KCNIP1: variants seen among roughly 807,000 people sequenced by gnomAD.
The protein encoded by KCNIP1 is potassium voltage-gated channel interacting protein 1, also known as A-type potassium channel modulatory protein KCNIP1.
KCNIP1 carries 18 observed loss-of-function variants against 33.0 expected under a neutral mutation model. The ratio of observed to expected loss-of-function variants is 0.55; its 90% confidence interval spans 0.38 to 0.81. KCNIP1 has a LOEUF of 0.81. Among genes scored for constraint, KCNIP1 ranks in the 30% least tolerant of loss-of-function variants. KCNIP1 has a pLI of 0.00. For missense variants in KCNIP1, 238 were observed against 271.6 expected (o/e 0.88, Z 0.87); for synonymous variants, 93 against 98.3 (o/e 0.95, Z 0.32).
At chr5:170,429,598 T>C (rs1284836914) in intron 1 of KCNIP1, among the ~76,000 whole-genome samples, 1 of 152,126 alleles carries the variant, frequency 6.6e-6, no homozygotes, top group Non-Finnish European at 1.5e-5. Context: ...AACTAATTTC[T>C]CATCATCCAC....
At chr5:170,485,511 C>T (rs1350500710) in intron 1 of KCNIP1, among the ~76,000 whole-genome samples, 2 of 152,210 alleles carry the variant, frequency 1.3e-5, no homozygotes, top group Non-Finnish European at 2.9e-5. Flanking sequence ...ACACATGGCC[C>T]ACCTTCAGGG....
intron 1 of KCNIP1, among the ~76,000 whole-genome samples, chr5:170,564,151 T>C (rs539597330): frequency 6.6e-6 from 1 of 152,354 alleles, no homozygotes; most frequent in South Asian, 2.1e-4. Context: ...CTGGGCCTTC[T>C]ATTGATACAT....
At chr5:170,448,137 T>C (rs1277769949) in intron 1 of KCNIP1, among the ~76,000 whole-genome samples, 1 of 152,002 alleles carries the variant, frequency 6.6e-6, no homozygotes, top group African/African-American at 2.4e-5. Context: ...ATCTATTTCA[T>C]CATTGTTAGT....
At chr5:170,710,016 C>T (rs1261706603) in intron 1 of KCNIP1, among the ~76,000 whole-genome samples, 3 of 152,146 alleles carry the variant, frequency 2.0e-5, no homozygotes, top group South Asian at 2.1e-4. Context: ...TACAGGCGCG[C>T]ACCACCATGC....
chr5:170,545,351 T>A (rs1051023406), intron 1 of KCNIP1, among the ~76,000 whole-genome samples: 33 of 152,210 alleles, frequency 2.2e-4, no homozygotes, highest in African/African-American at 8.0e-4. Context: ...TAGTTATGAT[T>A]TTCTTTGTGT....
At chr5:170,730,809 A>G (rs1310987350) in intron 5 of KCNIP1, among the ~76,000 whole-genome samples, 2 of 151,394 alleles carry the variant, frequency 1.3e-5, no homozygotes, top group Non-Finnish European at 2.9e-5. Flanking sequence ...AGCCTGGAGT[A>G]CTTTATTATG....
intron 3 of KCNIP1, among the ~76,000 whole-genome samples, chr5:170,721,044 C>T (rs1288771683): frequency 1.3e-5 from 2 of 152,234 alleles, no homozygotes; most frequent in African/African-American, 4.8e-5. Flanking sequence ...CCTCCTGTGG[C>T]CTCCATGTGT....
chr5:170,503,973 CGTAGTTG>C, upstream of KCNIP1: 1 of 878,222 alleles, frequency 1.1e-6, no homozygotes, highest in African/African-American at 1.9e-5. Context: ...CCCGCCCCTC[CGTAGTTG>C]CCCGCCCGCC....
intron 1 of KCNIP1, among the ~76,000 whole-genome samples, chr5:170,594,659 C>T (rs1421885905): frequency 1.3e-5 from 2 of 152,090 alleles, no homozygotes; most frequent in Non-Finnish European, 2.9e-5. Context: ...TACAGCTGCC[C>T]ACCACCACAC....
Position 170,656,957 on chromosome 5 carries a change from C to G in KCNIP1, c.62-61801C>G, listed in dbSNP as rs116622845. Among the ~76,000 whole-genome samples the G allele has an allele frequency of 3.8e-3, 583 of 151,822 alleles. 2 individuals carry two copies. Among genetic ancestry groups the G allele is most frequent in the Non-Finnish European group, 6.9e-3 (467 of 67,934 alleles). ...TGGCTGACCATGTGCACAGACATGA[C>G]TCAGTAAGTCTGTCTTTTCTTTTCT... is the stretch of plus-strand genomic sequence containing the variant. On this transcript the variant is annotated intron_variant, in intron 1 of 7. Transcript: ENST00000328939.
At chr5:170,584,055 C>G (rs746377671) in intron 1 of KCNIP1, among the ~76,000 whole-genome samples, 2 of 152,196 alleles carry the variant, frequency 1.3e-5, no homozygotes, top group African/African-American at 2.4e-5. Flanking sequence ...CTGTCTGACT[C>G]AACTACCTGA....
intron 1 of KCNIP1, chr5:170,354,035 G>A (rs1176283946): frequency 7.2e-7 from 1 of 1,389,544 alleles, no homozygotes; most frequent in Non-Finnish European, 1.0e-6. Flanking sequence ...CCTCGGTGTG[G>A]TGAGCGTGAC....
chr5:170,484,479 G>C (rs1317822257), intron 1 of KCNIP1, among the ~76,000 whole-genome samples: 2 of 152,112 alleles, frequency 1.3e-5, no homozygotes, highest in East Asian at 3.9e-4. Flanking sequence ...GAAAGAGCCT[G>C]GTGGCTGCCG....
chr5:170,520,062 G>A (rs1416850298), intron 1 of KCNIP1, among the ~76,000 whole-genome samples: 1 of 152,170 alleles, frequency 6.6e-6, no homozygotes, highest in Non-Finnish European at 1.5e-5. Context: ...GCGACTCTAC[G>A]TGTCAAACAG....
In KCNIP1 at chr5:170,392,463, G is replaced by A. The variant is rs189610969; in HGVS notation, c.88+38499G>A. On this transcript the variant is annotated intron_variant, in intron 1 of 7. Transcript: ENST00000377360. ...GTTACAGTTGCTGGTGATAGTGGTAGGATTAAACCAGTGAGAATTAAAACA... is the reference window on the plus strand; with the variant it reads ...GTTACAGTTGCTGGTGATAGTGGTAAGATTAAACCAGTGAGAATTAAAACA... Among the ~76,000 whole-genome samples the A allele has an allele frequency of 1.1e-4, 17 of 152,338 alleles. No homozygotes were observed. The East Asian group carries it at 2.9e-3, about 26-fold the overall frequency.
intron 1 of KCNIP1, among the ~76,000 whole-genome samples, chr5:170,397,543 G>T (rs905982728): frequency 6.6e-6 from 1 of 152,206 alleles, no homozygotes; most frequent in African/African-American, 2.4e-5. Flanking sequence ...AAGGTATGTA[G>T]GTAGGGACTC....
intron 1 of KCNIP1, among the ~76,000 whole-genome samples, chr5:170,663,462 G>A (rs1391940552): frequency 1.3e-5 from 2 of 152,082 alleles, no homozygotes; most frequent in African/African-American, 4.8e-5. Context: ...CAGCTGAGGG[G>A]GATTTTAGCC....
At chr5:170,355,488 A>C (rs765301375) in intron 1 of KCNIP1, among the ~76,000 whole-genome samples, 1 of 152,164 alleles carries the variant, frequency 6.6e-6, no homozygotes, top group Non-Finnish European at 1.5e-5. Context: ...GCTTGTCCCC[A>C]CCTGCAGTCT....
At chr5:170,723,489 G>C (rs1394996782) in intron 5 of KCNIP1, among the ~76,000 whole-genome samples, 1 of 152,130 alleles carries the variant, frequency 6.6e-6, no homozygotes, top group Non-Finnish European at 1.5e-5. Flanking sequence ...CACTCCACTT[G>C]CTGAGCTCCT....
Sources: allele counts gnomAD v4.1 joint callset (sites outside exome capture counted in the v4.1 genomes callset), GRCh38; gene constraint gnomAD v4.1.1; transcripts MANE v1.5; gene names NCBI Gene and HGNC (gene_info 2026-07-23, HGNC 2026-07-21).